Variants in RCOR1 observed in about 807,000 individuals in gnomAD.
RCOR1 encodes REST corepressor.
In RCOR1, 12 loss-of-function variants were observed where a neutral mutation model predicts 64.0. That is an observed-to-expected ratio of 0.19 (90% CI 0.12 to 0.30). The LOEUF is 0.30. Ranked by LOEUF, RCOR1 falls within the 10% of genes least tolerant of loss-of-function variation. The pLI, the probability that RCOR1 is intolerant of heterozygous loss-of-function variation, is 1.00. For synonymous variants in RCOR1, 279 were observed against 227.2 expected (o/e 1.23, Z -2.05); for missense variants, 502 against 621.2 (o/e 0.81, Z 2.04).
chr14:102,602,288 T>G (rs903690692), intron 2 of RCOR1, among the ~76,000 whole-genome samples: 1 of 152,184 alleles, frequency 6.6e-6, no homozygotes. Context: ...GGTAAACAAC[T>G]TTGTTTTCAC....
intron 11 of RCOR1, 52 bp from the exon 12 acceptor site, chr14:102,726,413 GTGT>G (rs1249015913): frequency 4.7e-6 from 7 of 1,484,560 alleles, no homozygotes; most frequent in East Asian, 4.5e-5. Flanking sequence ...ATAGCAGCTT[GTGT>G]TGTTTACCTA....
chr14:102,634,998 A>G (rs1190341), intron 2 of RCOR1, among the ~76,000 whole-genome samples: 120,499 of 151,268 alleles, frequency 0.8, 48,250 homozygotes, highest in Middle Eastern at 0.87. Flanking sequence ...GTGAGCCACC[A>G]TGCCTGGCCT....
intron 2 of RCOR1, among the ~76,000 whole-genome samples, chr14:102,681,054 A>C (rs533163851): frequency 6.6e-6 from 1 of 152,176 alleles, no homozygotes; most frequent in African/African-American, 2.4e-5. Context: ...TAAAGATGGG[A>C]GATCTGGTGG....
intron 2 of RCOR1, chr14:102,662,370 TCA>T: frequency 1.8e-6 from 1 of 565,740 alleles, no homozygotes; most frequent in Non-Finnish European, 3.4e-6. Flanking sequence ...TAGAGCTTCT[TCA>T]CAGCCTGTTT....
chr14:102,704,689 C>T (rs577101338), intron 4 of RCOR1, among the ~76,000 whole-genome samples: 41 of 152,362 alleles, frequency 2.7e-4, no homozygotes, highest in South Asian at 4.1e-4. Context: ...GTCGGCCTTC[C>T]GAAGTGCTGG....
chr14:102,614,482 C>T (rs1317954757), intron 2 of RCOR1, among the ~76,000 whole-genome samples: 1 of 152,004 alleles, frequency 6.6e-6, no homozygotes, highest in East Asian at 1.9e-4. Context: ...CCTCGGCCTC[C>T]CAAAGTGCTG....
chr14:102,614,479 C>T (rs886870488), intron 2 of RCOR1, among the ~76,000 whole-genome samples: 2 of 152,148 alleles, frequency 1.3e-5, no homozygotes, highest in Admixed American at 1.3e-4. Context: ...CCGCCTCGGC[C>T]TCCCAAAGTG....
intron 2 of RCOR1, among the ~76,000 whole-genome samples, chr14:102,619,116 G>T (rs1893820647): frequency 6.6e-6 from 1 of 152,064 alleles, no homozygotes; most frequent in Non-Finnish European, 1.5e-5. Flanking sequence ...CTGTCTGTCT[G>T]TCTGTCTGTC....
chr14:102,597,542 T>C (rs1232529665), intron 2 of RCOR1, among the ~76,000 whole-genome samples: 1 of 150,852 alleles, frequency 6.6e-6, no homozygotes, highest in African/African-American at 2.4e-5. Context: ...TTGGCCAGGC[T>C]GGTCTCGAAC....
intron 2 of RCOR1, among the ~76,000 whole-genome samples, chr14:102,635,619 G>C (rs970028150): frequency 6.6e-6 from 1 of 152,130 alleles, no homozygotes; most frequent in Non-Finnish European, 1.5e-5. Flanking sequence ...TGCATAGCAT[G>C]TTGGTATGAA....
At chr14:102,703,749 C>G (rs996250213) in intron 4 of RCOR1, among the ~76,000 whole-genome samples, 1 of 152,182 alleles carries the variant, frequency 6.6e-6, no homozygotes, top group South Asian at 2.1e-4. Flanking sequence ...TGAAGCCCAT[C>G]AAGCCCATGA....
chr14:102,638,417 AC>A (rs1172114177), intron 2 of RCOR1, among the ~76,000 whole-genome samples: 1 of 151,894 alleles, frequency 6.6e-6, no homozygotes, highest in Non-Finnish European at 1.5e-5. Context: ...CGTTCTTGTC[AC>A]CCAGGCTAGA....
intron 2 of RCOR1, among the ~76,000 whole-genome samples, chr14:102,643,103 A>C (rs1894404579): frequency 6.6e-6 from 1 of 152,186 alleles, no homozygotes. Context: ...TAACACGGTG[A>C]AACCCTGTCT....
At chr14:102,682,326 T>G (rs1895322480) in intron 3 of RCOR1, among the ~76,000 whole-genome samples, 1 of 152,074 alleles carries the variant, frequency 6.6e-6, no homozygotes, top group Admixed American at 6.5e-5. Context: ...GATGGGGTTT[T>G]GCCATGTTGG....
At chr14:102,639,097 G>A (rs1894304605) in intron 2 of RCOR1, among the ~76,000 whole-genome samples, 1 of 152,236 alleles carries the variant, frequency 6.6e-6, no homozygotes, top group Admixed American at 6.5e-5. Flanking sequence ...ATAACTTGTT[G>A]CTAGGCAGAT....
intron 2 of RCOR1, among the ~76,000 whole-genome samples, chr14:102,612,918 C>T (rs1359432736): frequency 1.4e-5 from 2 of 144,920 alleles, no homozygotes; most frequent in Non-Finnish European, 3.0e-5. Context: ...GATCACACCA[C>T]TGCATTTTAG....
intron 3 of RCOR1, among the ~76,000 whole-genome samples, chr14:102,689,257 A>G (rs8009257): frequency 0.3 from 46,127 of 152,074 alleles, 7,133 homozygotes; most frequent in East Asian, 0.4. Context: ...ACTGTGGTCC[A>G]AGGGTCTTAA....
intron 3 of RCOR1, among the ~76,000 whole-genome samples, chr14:102,700,655 CTTTG>C (rs1370343259): frequency 1.3e-5 from 2 of 152,228 alleles, no homozygotes; most frequent in Admixed American, 1.3e-4. Context: ...AGGCATGAGC[CTTTG>C]TTTTTCTCTT....
intron 3 of RCOR1, among the ~76,000 whole-genome samples, chr14:102,690,615 T>C (rs971000281): frequency 2.0e-5 from 3 of 151,926 alleles, no homozygotes; most frequent in Non-Finnish European, 4.4e-5. Flanking sequence ...AAAATAATAA[T>C]AACACAAAAA....
Sources: allele counts gnomAD v4.1 joint callset (sites outside exome capture counted in the v4.1 genomes callset), GRCh38; gene constraint gnomAD v4.1.1; transcripts MANE v1.5; gene names NCBI Gene and HGNC (gene_info 2026-07-23, HGNC 2026-07-21).